Variants in BRCA2 observed in about 807,000 individuals in gnomAD.
BRCA2 encodes the protein BRCA2 DNA repair associated.
A neutral mutation model predicts 276.7 loss-of-function variants in BRCA2; 203 were observed. The observed-to-expected ratio is 0.73, with a 90% CI of 0.65 to 0.82. BRCA2 has a LOEUF of 0.82. Ranked by LOEUF, BRCA2 falls within the 40% of genes least tolerant of loss-of-function variation. The pLI, the probability that BRCA2 is intolerant of heterozygous loss-of-function variation, is 0.00. For synonymous variants in BRCA2, 1,289 were observed against 1,338.4 expected, an observed-to-expected ratio of 0.96 and a Z score of 0.81; for missense variants, 3,920 against 3,915.0, an observed-to-expected ratio of 1.00 and a Z score of -0.03.
chr13:32,332,316 A>G lies in BRCA2; in HGVS notation c.838A>G (p.Lys280Glu), dbSNP rs80359085. Residue 280 changes from lysine to glutamate, a missense_variant, in exon 10 of 27, where the codon AAA becomes GAA. Physicochemically the swap from Lys to Glu is moderately conservative, Grantham distance 56 (BLOSUM62 1). Around this residue, in one of 2 missense-constraint regions of BRCA2, gnomAD observed 3,263 missense variants for 3,156.9 expected, o/e 1.03. Coordinates refer to ENST00000380152, the MANE Select transcript of BRCA2 (RefSeq NM_000059.4). ...SGNSFKVNSC[K>E]DHIGKSMPNV... Reference sequence around the variant, plus strand: ...GAATTCATTTAAAGTAAATAGCTGCAAAGACCACATTGGAAAGTCAATGCC... The same window carrying G: ...GAATTCATTTAAAGTAAATAGCTGCGAAGACCACATTGGAAAGTCAATGCC... 3 of 1,606,184 alleles carry G rather than the reference A, an allele frequency of 1.9e-6. No homozygotes were observed. The highest frequency in any genetic ancestry group is 2.5e-6 in the Non-Finnish European group (3 of 1,176,786).
In BRCA2 at chr13:32,380,016, G is replaced by T. The variant is rs398122610; in HGVS notation, c.9127G>T (p.Glu3043Ter). The T allele has an allele frequency of 6.2e-7, 1 of 1,613,980 alleles. No individual in the cohort carries two copies. The highest frequency in any genetic ancestry group is 8.5e-7 in the Non-Finnish European group (1 of 1,179,974). Reference sequence around the variant, plus strand: ...GTTTTGTTTTCTGTAGGTTTCAGATGAAATTTTATTTCAGATTTACCAGCC... The same window carrying T: ...GTTTTGTTTTCTGTAGGTTTCAGATTAAATTTTATTTCAGATTTACCAGCC... ...TQYQQLPVSD[E>*]ILFQIYQPRE... The change falls in exon 24 of 27, where the codon GAA (glutamate) becomes TAA (stop). Residue 3043 changes from glutamate (E) to a stop codon, truncating the protein, a stop_gained. Coordinates refer to ENST00000380152, the MANE Select transcript of BRCA2 (RefSeq NM_000059.4). LOFTEE classifies it high-confidence loss of function.
Position 32,339,890 on chromosome 13 carries a change from G to C in BRCA2, c.5535G>C (p.Arg1845Ser), listed in dbSNP as rs786201997. 3 of 1,610,752 alleles carry C rather than the reference G, an allele frequency of 1.9e-6. 1 individual carries two copies. The highest frequency in any genetic ancestry group is 2.5e-6 in the Non-Finnish European group (3 of 1,178,172). Residue 1845 changes from arginine (R) to serine (S), a missense_variant, in exon 11 of 27, where the codon AGG (arginine) becomes AGC (serine). Arg to Ser is a moderately radical substitution (Grantham distance 110). This residue lies in a region of BRCA2 where 3,263 missense variants were observed against 3,156.9 expected (regional missense o/e 1.03). Coordinates refer to ENST00000380152, the MANE Select transcript of BRCA2 (RefSeq NM_000059.4). ...TTGAGGTAGGGCCACCTGCATTTAGGATAGCCAGTGGTAAAATCGTTTGTG... is the reference window on the plus strand; with the variant it reads ...TTGAGGTAGGGCCACCTGCATTTAGCATAGCCAGTGGTAAAATCGTTTGTG... The part of the protein sequence containing the change: ...NNFEVGPPAF[R>S]IASGKIVCVS...
rs768735660 is a variant in BRCA2, at chr13:32,338,417, G to A, written c.4062G>A (p.Thr1354=). ...CTGTTTGTATTCATAAAGATGAAAC[G>A]GACTTGCTATTTACTGATCAGCACA... ...NDTVCIHKDE[T]DLLFTDQHNI... Residue 1354 remains threonine, a synonymous_variant, in exon 11 of 27, where the codon ACG becomes ACA. Coordinates refer to ENST00000380152, the MANE Select transcript of BRCA2 (RefSeq NM_000059.4). The A allele has an allele frequency of 8.1e-6, 13 of 1,604,954 alleles. No individual in the cohort carries two copies. The highest frequency in any genetic ancestry group is 1.7e-5 in the Admixed American group (1 of 58,060).
chr13:32,394,563 A>G, intron 24 of BRCA2, 126 bp from the exon 25 acceptor site: 1 of 1,237,446 alleles, frequency 8.1e-7, no homozygotes, highest in Non-Finnish European at 1.1e-6. Context: ...AAATTCAGCT[A>G]TTTTGATTTG....
Position 32,340,722 on chromosome 13 carries a change from GA to G in BRCA2, c.6373del (p.Thr2125ProfsTer12), listed in dbSNP as rs80359577. 1.9e-6 allele frequency: 3 copies of G among 1,605,480 alleles called. No homozygotes were observed. Among genetic ancestry groups the G allele is most frequent in the African/African-American group, 2.7e-5 (2 of 74,334 alleles). ...AGAGCACTGTGTAAACTCAGAAATG[GA>G]AAAAACCTGCAGTAAAGAATTTAAA... ...NPEHCVNSEMEKTCSKEFKLS... is the reference protein window; with the variant it reads ...NPEHCVNSEMXKTCSKEFKLS... On this transcript the variant is annotated frameshift_variant, in exon 11 of 27. Coordinates refer to ENST00000380152, the MANE Select transcript of BRCA2 (RefSeq NM_000059.4). LOFTEE classifies it high-confidence loss of function.
At chr13:32,352,243 A>G (rs188579834) in intron 13 of BRCA2, among the ~76,000 whole-genome samples, 18 of 152,072 alleles carry the variant, frequency 1.2e-4, no homozygotes, top group Admixed American at 9.2e-4. Flanking sequence ...TTTTTTTATC[A>G]AAAACAGTTG....
rs571896349 is a variant in BRCA2 at position 32,387,788 on chromosome 13, C to T, written c.9257-6901C>T. On this transcript the variant is annotated intron_variant, in intron 24 of 26. Transcript: ENST00000380152. ...TTTCTTATAAGTGCAGAGAAGAAAA[C>T]GCTGACGTATGCTGCCTTCCCTCTC... 7.2e-5 allele frequency among the ~76,000 whole-genome samples: 11 copies of T among 152,260 alleles called. 1 individual carries two copies. Among genetic ancestry groups the T allele is most frequent in the Admixed American group, 5.9e-4 (9 of 15,290 alleles).
intron 10 of BRCA2, among the ~76,000 whole-genome samples, chr13:32,333,816 C>T (rs1474135721): frequency 6.6e-6 from 1 of 152,152 alleles, no homozygotes; most frequent in Non-Finnish European, 1.5e-5. Context: ...GTTCCCCTCC[C>T]TGTGTCCGTG....
chr13:32,348,750 G>T (rs558463071), intron 13 of BRCA2, among the ~76,000 whole-genome samples: 22 of 152,210 alleles, frequency 1.4e-4, no homozygotes, highest in African/African-American at 5.1e-4. Flanking sequence ...GAGAGGCAAA[G>T]GGAGCTTTCA....
rs11571775 is a variant in BRCA2, at chr13:32,382,007, G to C, written c.9256+1862G>C. Among the ~76,000 whole-genome samples, 1,104 of 152,318 alleles carry C rather than the reference G, an allele frequency of 7.2e-3. 14 individuals carry two copies. Among genetic ancestry groups the C allele is most frequent in the African/African-American group, 0.025 (1,049 of 41,552 alleles). On this transcript the variant is annotated intron_variant, in intron 24 of 26. Transcript: ENST00000380152. Reference sequence around the variant, plus strand: ...AAGTTCAGGAGCTCAGTTTTAGACAGTTAAGTTTTAGATGCTTATTAGGCA... The same window carrying C: ...AAGTTCAGGAGCTCAGTTTTAGACACTTAAGTTTTAGATGCTTATTAGGCA...
At chr13:32,328,855 ATG>A (rs1047835247) in intron 7 of BRCA2, among the ~76,000 whole-genome samples, 1 of 151,426 alleles carries the variant, frequency 6.6e-6, no homozygotes, top group African/African-American at 2.4e-5. Flanking sequence ...TTGTGTGCCC[ATG>A]TGTGTGTGCA....
rs1255534605 is a variant in BRCA2 at position 32,324,979 on chromosome 13, A to G, written c.317-97A>G. On this transcript the variant is annotated intron_variant, in intron 3 of 26. Transcript: ENST00000380152. ...CAACTCCCTATACATTCTCATTCCCAGTATAGAGGAGACTTTTTGTTTTTA... is the reference window on the plus strand; with the variant it reads ...CAACTCCCTATACATTCTCATTCCCGGTATAGAGGAGACTTTTTGTTTTTA... The G allele has an allele frequency of 9.8e-6, 8 of 815,002 alleles. No individual in the cohort carries two copies. Among genetic ancestry groups the G allele is most frequent in the Admixed American group, 2.0e-5 (1 of 49,010 alleles). The allele number at this position is 815,002 out of a possible 1,614,324, so 50.5% of individuals were successfully genotyped here.
chr13:32,353,829 A>G (rs2072668757), intron 13 of BRCA2, among the ~76,000 whole-genome samples: 1 of 152,214 alleles, frequency 6.6e-6, no homozygotes, highest in South Asian at 2.1e-4. Context: ...GTATGCTGAG[A>G]AAGATGATCA....
intron 24 of BRCA2, among the ~76,000 whole-genome samples, chr13:32,391,482 G>A (rs1264453625): frequency 1.3e-5 from 2 of 152,198 alleles, no homozygotes; most frequent in East Asian, 3.9e-4. Context: ...AAGTCCAGGA[G>A]GGAACTCAGA....
Position 32,325,418 on chromosome 13 carries a change from G to A in BRCA2, c.425+234G>A, listed in dbSNP as rs11571612. 1.4e-3 allele frequency among the ~76,000 whole-genome samples: 213 copies of A among 152,122 alleles called. 2 individuals are homozygous for A. Among genetic ancestry groups the A allele is most frequent in the Admixed American group, 9.9e-3 (152 of 15,282 alleles). On this transcript the variant is annotated intron_variant, in intron 4 of 26. Coordinates refer to ENST00000380152, the MANE Select transcript of BRCA2 (RefSeq NM_000059.4). ...AATTGGCTGGTTTTCTGTATATTCT[G>A]TGATTTTTTAAGTAACAAAAATAAC...
intron 24 of BRCA2, among the ~76,000 whole-genome samples, chr13:32,391,868 C>T (rs1007410051): frequency 1.3e-5 from 2 of 152,212 alleles, no homozygotes; most frequent in South Asian, 2.1e-4. Flanking sequence ...TTGATCCAGA[C>T]ATGGAAACCT....
intron 16 of BRCA2, among the ~76,000 whole-genome samples, chr13:32,362,220 G>A (rs1434871834): frequency 6.6e-6 from 1 of 151,822 alleles, no homozygotes; most frequent in Non-Finnish European, 1.5e-5. Context: ...AGAGATGTGG[G>A]GGTCTCACTA....
chr13:32,318,979 G>T, intron 2 of BRCA2, 98 bp from the exon 3 acceptor site: 3 of 1,484,572 alleles, frequency 2.0e-6, no homozygotes, highest in Non-Finnish European at 2.8e-6. Flanking sequence ...CCATAGTCAA[G>T]ATCTTAAGCA....
At chr13:32,364,523 C>T (rs1220171358) in intron 18 of BRCA2, among the ~76,000 whole-genome samples, 1 of 152,186 alleles carries the variant, frequency 6.6e-6, no homozygotes, top group Non-Finnish European at 1.5e-5. Flanking sequence ...CCCATCTTCC[C>T]TCTACTAATA....
Sources: gnomAD v4.1 joint callset for allele counts (sites outside exome capture counted in the v4.1 genomes callset) on GRCh38, gnomAD v4.1.1 for gene constraint, gnomAD v4.1.1 regional missense constraint, MANE v1.5 for transcripts, NCBI Gene and HGNC (gene_info 2026-07-23, HGNC 2026-07-21) for gene names.